LMNB2: variants seen among roughly 807,000 people sequenced by gnomAD.
The protein encoded by LMNB2 is lamin-B2.
A neutral mutation model predicts 69.3 loss-of-function variants in LMNB2; 17 were observed. That is an observed-to-expected ratio of 0.25 (90% CI 0.17 to 0.37). The LOEUF (loss-of-function observed/expected upper bound fraction) is 0.37, where lower values mean the gene tolerates loss of function less well. Ranked by LOEUF, LMNB2 falls within the 10% of genes least tolerant of loss-of-function variation. The pLI is 1.00. For missense variants in LMNB2, 789 were observed against 883.6 expected, an observed-to-expected ratio of 0.89 and a Z score of 1.36; for synonymous variants, 397 against 389.3, an observed-to-expected ratio of 1.02 and a Z score of -0.23.
chr19:2,431,470 C>T (rs371396960), intron 11 of LMNB2, 78 bp downstream of exon 11: 19 of 1,594,170 alleles, frequency 1.2e-5, no homozygotes, highest in South Asian at 5.5e-5. Context: ...GCGGCCAGCA[C>T]GCATGTGTAT....
At chr19:2,445,269 C>A (rs1461651753) in intron 1 of LMNB2, among the ~76,000 whole-genome samples, 1 of 151,554 alleles carries the variant, frequency 6.6e-6, no homozygotes, top group Non-Finnish European at 1.5e-5. Flanking sequence ...CTCCCCCAGA[C>A]CCCGCTGAGC....
At chr19:2,431,759 AC>A (rs746627716) in intron 10 of LMNB2, 23 bp downstream of exon 10, 7 of 1,611,924 alleles carry the variant, frequency 4.3e-6, no homozygotes, top group African/African-American at 4.0e-5. Flanking sequence ...CCAGCCGAGC[AC>A]CCCCCAAGCC....
At chr19:2,448,826 G>A (rs1457507883) in intron 1 of LMNB2, among the ~76,000 whole-genome samples, 1 of 152,152 alleles carries the variant, frequency 6.6e-6, no homozygotes, top group Non-Finnish European at 1.5e-5. Context: ...CCAGCCTGGC[G>A]ACAGCCAGAC....
chr19:2,444,493 C>T lies in LMNB2; in HGVS notation c.312G>A (p.Arg104=). Residue 104 remains arginine, a synonymous_variant, in exon 2 of 12, where the codon CGG becomes CGA. Coordinates refer to ENST00000325327, the MANE Select transcript of LMNB2 (RefSeq NM_032737.4). ...CTCGAGCCGTCTCATCCAGGACTCT[C>T]CGGGCATCGGCCAGCTCCGACTCGT... ...ALYESELADA[R]RVLDETARER... is the part of the protein sequence containing the mutation. 1 of 1,613,322 alleles carries T rather than the reference C, an allele frequency of 6.2e-7. No homozygotes were observed. Among genetic ancestry groups the T allele is most frequent in the Non-Finnish European group, 8.5e-7 (1 of 1,180,034 alleles).
intron 1 of LMNB2, among the ~76,000 whole-genome samples, chr19:2,449,257 A>C (rs1444397414): frequency 6.6e-6 from 1 of 152,074 alleles, no homozygotes; most frequent in African/African-American, 2.4e-5. Flanking sequence ...ACAGCATTCC[A>C]CAGAGGAGCG....
At chr19:2,454,278 G>A (rs1390259094) in intron 1 of LMNB2, among the ~76,000 whole-genome samples, 1 of 140,668 alleles carries the variant, frequency 7.1e-6, no homozygotes, top group Non-Finnish European at 1.5e-5. Context: ...GGACGACGGA[G>A]CGAGACTCTA....
intron 4 of LMNB2, among the ~76,000 whole-genome samples, chr19:2,436,035 A>G (rs1033921026): frequency 3.3e-5 from 5 of 152,230 alleles, no homozygotes; most frequent in African/African-American, 4.8e-5. Context: ...CTGTAATCCC[A>G]GCACTTTGGG....
intron 4 of LMNB2, chr19:2,436,960 G>GCT (rs1429894257): frequency 1.3e-5 from 2 of 152,320 alleles, no homozygotes; most frequent in African/African-American, 2.4e-5. Flanking sequence ...CCGCACAGAA[G>GCT]CTCTCGTGAG....
Position 2,435,124 on chromosome 19 carries a change from C to T in LMNB2, c.732G>A (p.Val244=). Residue 244 remains valine, a synonymous_variant, in exon 5 of 12, where the codon GTG becomes GTA. Coordinates refer to ENST00000325327, the MANE Select transcript of LMNB2 (RefSeq NM_032737.4). The part of the protein sequence containing the change: ...RRRHERRLVE[V]DSSRQQEYDF... ...CGTACTCCTGCTGCCGGCTGCTGTC[C>T]ACCTCCACCAGGCGCCGCTCGTGCC... 1.2e-6 allele frequency: 2 copies of T among 1,607,752 alleles called. No homozygotes were observed. The highest frequency in any genetic ancestry group is 8.5e-7 in the Non-Finnish European group (1 of 1,179,712).
chr19:2,442,916 T>A (rs1599337342), intron 2 of LMNB2, among the ~76,000 whole-genome samples: 1 of 152,202 alleles, frequency 6.6e-6, no homozygotes, highest in East Asian at 1.9e-4. Context: ...AGTGAACAGT[T>A]GAGAGGCGCC....
intron 2 of LMNB2, 61 bp from the exon 3 acceptor site, chr19:2,438,592 C>T: frequency 6.4e-7 from 1 of 1,571,234 alleles, no homozygotes; most frequent in Non-Finnish European, 8.7e-7. Context: ...ACAGGGAGCA[C>T]CTCAGGGGGC....
chr19:2,434,019 C>G lies in LMNB2; in HGVS notation c.1289G>C (p.Arg430Pro). 6.2e-7 allele frequency: 1 copy of G among 1,605,184 alleles called. No homozygotes were observed. The highest frequency in any genetic ancestry group is 8.5e-7 in the Non-Finnish European group (1 of 1,177,194). The change falls in exon 8 of 12, where the codon CGC becomes CCC. Residue 430 changes from arginine to proline, a missense_variant. By Grantham distance (103) the Arg-to-Pro change is moderately radical (BLOSUM62 -2). This residue lies in a region of LMNB2 where 609 missense variants were observed against 630.9 expected (regional missense o/e 0.97). Coordinates refer to ENST00000325327, the MANE Select transcript of LMNB2 (RefSeq NM_032737.4). ...SSSGSLSATGRLGRSKRKRLE... is the reference protein window; with the variant it reads ...SSSGSLSATGPLGRSKRKRLE... Reference sequence around the variant, plus strand: ...CCGCTTCCGCTTACTGCGGCCCAGGCGCCCGGTGGCGGACAAGCTGCCGCT... The same window carrying G: ...CCGCTTCCGCTTACTGCGGCCCAGGGGCCCGGTGGCGGACAAGCTGCCGCT...
chr19:2,444,340 C>T lies in LMNB2; in HGVS notation c.401+64G>A. On this transcript the variant is annotated intron_variant, in intron 2 of 11. Coordinates refer to ENST00000325327, the MANE Select transcript of LMNB2 (RefSeq NM_032737.4). ...TGCCCCGCACGAGCCCAGCGCCCAC[C>T]TGCCCCCGTCCACCCCGTGGTGCCA... is the stretch of plus-strand genomic sequence containing the variant. 1.7e-5 allele frequency: 28 copies of T among 1,603,018 alleles called. No individual in the cohort carries two copies. In the South Asian group the frequency reaches 3.1e-4, roughly 18 times the overall value.
chr19:2,438,324 C>G (rs1971852477), intron 3 of LMNB2, 36 bp from the exon 4 acceptor site: 2 of 1,613,774 alleles, frequency 1.2e-6, no homozygotes, highest in Non-Finnish European at 1.7e-6. Context: ...GTGTGACAAT[C>G]TGTCTGTTGC....
intron 2 of LMNB2, among the ~76,000 whole-genome samples, chr19:2,442,699 A>T (rs943776884): frequency 9.9e-5 from 15 of 152,100 alleles, no homozygotes; most frequent in African/African-American, 3.6e-4. Flanking sequence ...GCGAGCTATG[A>T]TTGTGCCACT....
At position 2,430,781 on chromosome 19, in the gene LMNB2, C is replaced by A; in HGVS notation, c.*130G>T. The A allele has an allele frequency of 1.3e-6, 1 of 769,318 alleles. No homozygotes were observed. The highest frequency in any genetic ancestry group is 1.4e-5 in the South Asian group (1 of 70,452). The allele number at this position is 769,318 out of a possible 1,614,324, so 47.7% of individuals were successfully genotyped here. On this transcript the variant is annotated 3_prime_UTR_variant, in exon 12 of 12. Transcript: ENST00000325327. ...CCAGGAGGGAGGGCTGGGGGAGACC[C>A]ACCCACACGTTCTGGCAGTTCGCTT... is the stretch of plus-strand genomic sequence containing the variant.
At chr19:2,440,188 G>A (rs1344846546) in intron 2 of LMNB2, among the ~76,000 whole-genome samples, 2 of 149,700 alleles carry the variant, frequency 1.3e-5, no homozygotes, top group East Asian at 4.0e-4. Flanking sequence ...ACAGATGGCT[G>A]TATCTTTTTT....
In LMNB2 at chr19:2,443,241, G is replaced by A. The variant is rs926729989; in HGVS notation, c.401+1163C>T. 6.6e-5 allele frequency among the ~76,000 whole-genome samples: 10 copies of A among 152,180 alleles called. No individual in the cohort carries two copies. The highest frequency in any genetic ancestry group is 1.9e-4 in the African/African-American group (8 of 41,436). On this transcript the variant is annotated intron_variant, in intron 2 of 11. Coordinates refer to ENST00000325327, the MANE Select transcript of LMNB2 (RefSeq NM_032737.4). The surrounding 1 kb of genome is among the most constrained non-coding windows in gnomAD (Gnocchi z 6.2). ...GGTCCCTCCTGGAGCCCCAGGCCCC[G>A]GGCAGGCGGGCGGTGGTCCCTGGGC...
intron 4 of LMNB2, 111 bp downstream of exon 4, chr19:2,438,052 C>T (rs906462882): frequency 8.5e-6 from 13 of 1,526,734 alleles, no homozygotes; most frequent in Admixed American, 8.4e-5. Context: ...TCCCTAGAGC[C>T]GTGGGAGGGA....
Sources: gnomAD v4.1 joint callset for allele counts (sites outside exome capture counted in the v4.1 genomes callset) on GRCh38, gnomAD v4.1.1 for gene constraint, gnomAD v4.1.1 regional missense constraint, Gnocchi (gnomAD v3.1) non-coding constraint, MANE v1.5 for transcripts, NCBI Gene and HGNC (gene_info 2026-07-23, HGNC 2026-07-21) for gene names.